Variants in TTC1 observed in about 807,000 individuals in gnomAD.
TTC1 encodes tetratricopeptide repeat domain 1.
In TTC1, 31 loss-of-function variants were observed where a neutral mutation model predicts 37.6. The ratio of observed to expected loss-of-function variants is 0.82; its 90% CI spans 0.62 to 1.11. The LOEUF is 1.11. Among genes scored for constraint, TTC1 ranks in the 50% most tolerant of loss-of-function variants. The pLI, the probability that TTC1 is intolerant of heterozygous loss-of-function variation, is 0.00. For synonymous variants in TTC1, 127 were observed against 122.4 expected, an observed-to-expected ratio of 1.04 and a Z score of -0.25; for missense variants, 351 against 339.0, an observed-to-expected ratio of 1.04 and a Z score of -0.28.
chr5:160,023,726 A>G lies in TTC1; in HGVS notation c.331-11414A>G, dbSNP rs540238565. On this transcript the variant is annotated intron_variant, in intron 2 of 7. Coordinates refer to ENST00000231238, the MANE Select transcript of TTC1 (RefSeq NM_003314.3). ...CATGTTGCCTAATCTTTCCACTCCT[A>G]TGTGCTTCTTCTTGTGCTTCTTCTT... 705 of 1,606,528 alleles carry G rather than the reference A, an allele frequency of 4.4e-4. 3 individuals are homozygous for G. The highest frequency in any genetic ancestry group is 2.8e-3 in the Middle Eastern group (13 of 4,666).
Position 160,051,174 on chromosome 5 carries a change from G to A in TTC1, c.736G>A (p.Glu246Lys), listed in dbSNP as rs1757394904. ...IEERNERLKE[E>K]MLGKLKDLGN... ...AGAACGTAATGAAAGACTAAAAGAA[G>A]AGATGTTAGGTAAGCTTACTTCTTA... Residue 246 changes from glutamate (E) to lysine (K), a missense_variant, in exon 7 of 8, where the codon GAG becomes AAG. By Grantham distance (56) the Glu-to-Lys change is moderately conservative. Transcript: ENST00000231238. 6.2e-7 allele frequency: 1 copy of A among 1,609,192 alleles called. No homozygotes were observed. Among genetic ancestry groups the A allele is most frequent in the Non-Finnish European group, 8.5e-7 (1 of 1,177,400 alleles).
At chr5:160,036,190 A>G (rs145732673) in intron 3 of TTC1, among the ~76,000 whole-genome samples, 1 of 152,316 alleles carries the variant, frequency 6.6e-6, no homozygotes, top group African/African-American at 2.4e-5. Flanking sequence ...TTTTAGCTCT[A>G]TCAAATGTCT....
At chr5:160,045,453 TCCACACAC>T (rs1757191250) in intron 5 of TTC1, among the ~76,000 whole-genome samples, 2 of 33,960 alleles carry the variant, frequency 5.9e-5, no homozygotes, top group African/African-American at 2.4e-4. Flanking sequence ...TCCCCCACCC[TCCACACAC>T]ACACACACAC....
chr5:160,046,701 G>A lies in TTC1; in HGVS notation c.542-2813G>A, dbSNP rs145475660. On this transcript the variant is annotated intron_variant, in intron 5 of 7. Transcript: ENST00000231238. ...AAATTAAGACAGAAGGAAAATGCAC[G>A]GATTTTTTAACCTAAGAAATTAGAG... 3.9e-3 allele frequency among the ~76,000 whole-genome samples: 592 copies of A among 152,180 alleles called. 3 individuals are homozygous for A. Among genetic ancestry groups the A allele is most frequent in the African/African-American group, 0.013 (545 of 41,532 alleles).
intron 2 of TTC1, among the ~76,000 whole-genome samples, chr5:160,027,450 A>G (rs889915360): frequency 1.3e-5 from 2 of 152,254 alleles, no homozygotes; most frequent in African/African-American, 4.8e-5. Flanking sequence ...TTATCAATAT[A>G]TGTTGTAAAC....
chr5:160,018,346 G>A (rs1756642409), intron 2 of TTC1, among the ~76,000 whole-genome samples: 1 of 152,168 alleles, frequency 6.6e-6, no homozygotes, highest in Non-Finnish European at 1.5e-5. Context: ...AAGACAGGTG[G>A]AGAGGACTGC....
At chr5:160,051,008 C>T in intron 6 of TTC1, 121 bp from the exon 7 acceptor site, 1 of 666,664 alleles carries the variant, frequency 1.5e-6, no homozygotes, top group Non-Finnish European at 2.4e-6. Context: ...GGATCATAGA[C>T]ATACTTAACT....
chr5:160,045,558 TCCC>T lies in TTC1; in HGVS notation c.541+2391_541+2393del, dbSNP rs1288350012. On this transcript the variant is annotated intron_variant, in intron 5 of 7. Coordinates refer to ENST00000231238, the MANE Select transcript of TTC1 (RefSeq NM_003314.3). ...CTCTCTCTCTCTCTCTCTCTCCCCCTCCCCTCTCTCAATCTCTCAATTCATAAA... is the reference window on the plus strand; with the variant it reads ...CTCTCTCTCTCTCTCTCTCTCCCCCTCTCTCTCAATCTCTCAATTCATAAA... Among the ~76,000 whole-genome samples, 25 of 63,568 alleles carry T rather than the reference TCCC, an allele frequency of 3.9e-4. 1 individual carries two copies. The highest frequency in any genetic ancestry group is 1.2e-3 in the African/African-American group (19 of 15,936). The allele number at this position is 63,568 out of a possible 152,430, so 41.7% of individuals were successfully genotyped here.
In TTC1 at chr5:160,035,186, A is replaced by T. The variant is rs1180057795; in HGVS notation, c.377A>T (p.Gln126Leu). 3 of 1,606,916 alleles carry T rather than the reference A, an allele frequency of 1.9e-6. No individual in the cohort carries two copies. Among genetic ancestry groups the T allele is most frequent in the African/African-American group, 1.3e-5 (1 of 74,506 alleles). ...STRLKEEGNE[Q>L]FKKGDYIEAE... is the part of the protein sequence containing the mutation. The stretch of plus-strand genomic sequence containing the variant: ...AGACTAAAGGAGGAGGGAAATGAAC[A>T]GTTTAAGAAAGGAGGTAAGACGACT... The change falls in exon 3 of 8, where the codon CAG becomes CTG. Residue 126 changes from glutamine to leucine, a missense_variant. Gln to Leu is a moderately radical substitution (Grantham distance 113). Transcript: ENST00000231238.
At chr5:160,048,119 G>A in intron 5 of TTC1, among the ~76,000 whole-genome samples, 3 of 109,096 alleles carry the variant, frequency 2.7e-5, no homozygotes, top group African/African-American at 1.0e-4. Context: ...CTAGAGCCAA[G>A]ACATTGCTTT....
chr5:160,020,649 G>A (rs77147447), intron 2 of TTC1, among the ~76,000 whole-genome samples: 9 of 152,234 alleles, frequency 5.9e-5, no homozygotes, highest in African/African-American at 7.2e-5. Flanking sequence ...TTAGATTCTC[G>A]TAGGCTTGTG....
chr5:160,032,890 T>C (rs1020890958), intron 2 of TTC1, among the ~76,000 whole-genome samples: 1 of 148,748 alleles, frequency 6.7e-6, no homozygotes, highest in African/African-American at 2.5e-5. Context: ...ATTTTTTTTT[T>C]TGGGGGGGTA....
intron 6 of TTC1, 31 bp from the exon 7 acceptor site, chr5:160,051,098 T>A (rs748515114): frequency 2.1e-6 from 3 of 1,433,504 alleles, no homozygotes; most frequent in East Asian, 2.3e-5. Flanking sequence ...TTTTTTTTTT[T>A]ACCAACCCTT....
chr5:160,014,064 T>C (rs1467824978), intron 2 of TTC1, among the ~76,000 whole-genome samples: 1 of 152,036 alleles, frequency 6.6e-6, no homozygotes, highest in African/African-American at 2.4e-5. Flanking sequence ...TTGTAATTAA[T>C]TTAAATAGTC....
In TTC1 at chr5:160,030,095, C is replaced by A. The variant is rs190453696; in HGVS notation, c.331-5045C>A. ...GTGAGGCAGAATTGAATTACAAAAT[C>A]AAAAGCAGTATGTACAGTCTGCATT... is the stretch of plus-strand genomic sequence containing the variant. On this transcript the variant is annotated intron_variant, in intron 2 of 7. Coordinates refer to ENST00000231238, the MANE Select transcript of TTC1 (RefSeq NM_003314.3). Among the ~76,000 whole-genome samples, 465 of 152,294 alleles carry A rather than the reference C, an allele frequency of 3.1e-3. 1 individual carries two copies. The highest frequency in any genetic ancestry group is 0.01 in the Admixed American group (158 of 15,300).
chr5:160,044,409 T>C (rs1360775010), intron 5 of TTC1, among the ~76,000 whole-genome samples: 1 of 152,248 alleles, frequency 6.6e-6, no homozygotes, highest in East Asian at 1.9e-4. Context: ...CAGTAAAGTA[T>C]ACTTACAGTT....
chr5:160,025,154 A>G (rs1448062031), intron 2 of TTC1, among the ~76,000 whole-genome samples: 1 of 152,098 alleles, frequency 6.6e-6, no homozygotes, highest in Non-Finnish European at 1.5e-5. Flanking sequence ...CAGCCTCCCA[A>G]GTAGCTGGGA....
intron 2 of TTC1, among the ~76,000 whole-genome samples, chr5:160,013,223 A>C (rs780655649): frequency 6.6e-6 from 1 of 152,210 alleles, no homozygotes; most frequent in Non-Finnish European, 1.5e-5. Context: ...TACTACTCTT[A>C]TTAGGTGTTT....
rs1266545377 is a variant in TTC1, at chr5:160,009,184, C to G, written c.-39C>G. On this transcript the variant is annotated 5_prime_UTR_variant, in exon 1 of 8. Coordinates refer to ENST00000231238, the MANE Select transcript of TTC1 (RefSeq NM_003314.3). ...GCTAAGAAGGTGGAGACCGGAGAAG[C>G]TGTGAGGTTGTGAGTAACCCCGTGG... 1 of 152,224 alleles carries G rather than the reference C, an allele frequency of 6.6e-6. No homozygotes were observed. The highest frequency in any genetic ancestry group is 1.5e-5 in the Non-Finnish European group (1 of 68,074). 9.4% of individuals were successfully genotyped at this position (152,224 alleles called of 1,614,324 possible).
Sources: gnomAD v4.1 joint callset for allele counts (sites outside exome capture counted in the v4.1 genomes callset) on GRCh38, gnomAD v4.1.1 for gene constraint, MANE v1.5 for transcripts, NCBI Gene and HGNC (gene_info 2026-07-23, HGNC 2026-07-21) for gene names.